The following DTD1 variants were observed in gnomAD, a reference collection of about 807,000 sequenced individuals.
The protein encoded by DTD1 is D-tyrosyl-tRNA deacylase 1 homolog.
A neutral mutation model predicts 25.6 loss-of-function variants in DTD1; 13 were observed. That is an observed-to-expected ratio of 0.51 (90% CI 0.33 to 0.81). The LOEUF (loss-of-function observed/expected upper bound fraction) is 0.81, where lower values mean the gene tolerates loss of function less well. Among genes scored for constraint, DTD1 ranks in the 30% least tolerant of loss-of-function variants. The pLI, the probability that DTD1 is intolerant of heterozygous loss-of-function variation, is 0.02. For missense variants in DTD1, 193 were observed against 266.4 expected (o/e 0.72, Z 1.92); for synonymous variants, 110 against 103.6 (o/e 1.06, Z -0.37).
At chr20:18,724,096 G>A (rs1402188785) in intron 4 of DTD1, among the ~76,000 whole-genome samples, 2 of 152,146 alleles carry the variant, frequency 1.3e-5, no homozygotes, top group East Asian at 3.8e-4. Context: ...GAAGCCCCTG[G>A]CAAACTTCCT....
At chr20:18,682,923 A>G (rs986277219) in intron 4 of DTD1, among the ~76,000 whole-genome samples, 4 of 152,228 alleles carry the variant, frequency 2.6e-5, no homozygotes, top group Non-Finnish European at 4.4e-5. Context: ...AGCCATGGCT[A>G]CTGCCCATGA....
chr20:18,645,925 C>A (rs750524676), intron 4 of DTD1, among the ~76,000 whole-genome samples: 6 of 152,192 alleles, frequency 3.9e-5, no homozygotes, highest in Non-Finnish European at 7.3e-5. Flanking sequence ...AGATTCTGGG[C>A]ATAGTGTATA....
At chr20:18,652,000 C>G (rs1234425201) in intron 4 of DTD1, among the ~76,000 whole-genome samples, 3 of 152,142 alleles carry the variant, frequency 2.0e-5, no homozygotes, top group Non-Finnish European at 2.9e-5. Context: ...GTTCCTGTCC[C>G]CATTGGCAGT....
At chr20:18,641,581 CT>C (rs1426210166) in intron 4 of DTD1, among the ~76,000 whole-genome samples, 3 of 152,018 alleles carry the variant, frequency 2.0e-5, no homozygotes, top group Non-Finnish European at 4.4e-5. Context: ...TGAAGTGTAT[CT>C]CATTGTGGTT....
chr20:18,634,097 T>C (rs940074181), intron 4 of DTD1, among the ~76,000 whole-genome samples: 1 of 152,254 alleles, frequency 6.6e-6, no homozygotes, highest in African/African-American at 2.4e-5. Flanking sequence ...ACGATTCTGG[T>C]AGGAACATCC....
intron 3 of DTD1, among the ~76,000 whole-genome samples, chr20:18,599,910 A>G (rs950239932): frequency 1.3e-4 from 20 of 152,216 alleles, no homozygotes; most frequent in Non-Finnish European, 8.8e-5. Context: ...TTTGGATACT[A>G]GTCCTTTATC....
At chr20:18,741,051 C>A (rs1225235996) in intron 4 of DTD1, among the ~76,000 whole-genome samples, 1 of 152,234 alleles carries the variant, frequency 6.6e-6, no homozygotes. Context: ...CCAGATCATT[C>A]ATTCCTACTT....
chr20:18,647,535 C>G (rs1016866693), intron 4 of DTD1, among the ~76,000 whole-genome samples: 3 of 152,044 alleles, frequency 2.0e-5, no homozygotes, highest in African/African-American at 7.3e-5. Flanking sequence ...GGTCTGAAAG[C>G]TTGGGGCAAG....
chr20:18,719,986 C>T (rs2061195945), intron 4 of DTD1, among the ~76,000 whole-genome samples: 1 of 152,176 alleles, frequency 6.6e-6, no homozygotes, highest in Admixed American at 6.5e-5. Flanking sequence ...TTTAAGATTC[C>T]TTACAGAACA....
intron 3 of DTD1, among the ~76,000 whole-genome samples, chr20:18,621,980 C>T (rs1379063577): frequency 2.0e-5 from 3 of 151,794 alleles, no homozygotes; most frequent in East Asian, 3.9e-4. Flanking sequence ...AGGAGAATGG[C>T]GTGAACCCGG....
At position 18,703,729 on chromosome 20, in the gene DTD1, T is replaced by C. The variant is rs534175007; in HGVS notation, c.478-40371T>C. 8.6e-3 allele frequency among the ~76,000 whole-genome samples: 516 copies of C among 60,284 alleles called. 10 individuals are homozygous for C. Among genetic ancestry groups the C allele is most frequent in the Admixed American group, 0.072 (452 of 6,238 alleles). 39.5% of individuals were successfully genotyped at this position (60,284 alleles called of 152,430 possible). A position where few individuals can be genotyped will look rare whatever the true frequency, so the allele number is the denominator to read the frequency against. ...ATTTCTGCTTTTTCATAGTATTCAG[T>C]TTTTTTTTTTGTTTCTGTTTTCTTA... On this transcript the variant is annotated intron_variant, in intron 4 of 5. Transcript: ENST00000377452.
chr20:18,612,899 T>A (rs1490415713), intron 3 of DTD1, among the ~76,000 whole-genome samples: 2 of 152,170 alleles, frequency 1.3e-5, no homozygotes, highest in Non-Finnish European at 2.9e-5. Flanking sequence ...CCTCAAGTGA[T>A]CTGCACACTT....
intron 4 of DTD1, among the ~76,000 whole-genome samples, chr20:18,688,711 C>G (rs543169296): frequency 1.3e-5 from 2 of 152,044 alleles, no homozygotes; most frequent in South Asian, 4.2e-4. Flanking sequence ...ATTTTATCTT[C>G]TAGTGTTTGG....
chr20:18,686,673 TG>T lies in DTD1; in HGVS notation c.478-57426del, dbSNP rs1038769578. On this transcript the variant is annotated intron_variant, in intron 4 of 5. Transcript: ENST00000377452. ...GTGTGTGTGTGTGTGTGTGTGTGTG[TG>T]TGGTGTGTGTGTGCATGTGCATTTG... 5.9e-5 allele frequency among the ~76,000 whole-genome samples: 9 copies of T among 151,896 alleles called. No individual in the cohort carries two copies. In the East Asian group the frequency reaches 1.7e-3, roughly 29 times the overall value.
At position 18,710,864 on chromosome 20, in the gene DTD1, T is replaced by C. The variant is rs531932091; in HGVS notation, c.478-33236T>C. On this transcript the variant is annotated intron_variant, in intron 4 of 5. Transcript: ENST00000377452. ...GGGGCTCTGTGAGTGAGTTGAATCA[T>C]GGGCCCGTTTTCCCTGTGTTCTCTC... Among the ~76,000 whole-genome samples, 11 of 152,292 alleles carry C rather than the reference T, an allele frequency of 7.2e-5. No homozygotes were observed. The South Asian group carries it at 1.7e-3, about 23-fold the overall frequency.
At chr20:18,721,086 G>A (rs1221588168) in intron 4 of DTD1, among the ~76,000 whole-genome samples, 3 of 152,044 alleles carry the variant, frequency 2.0e-5, no homozygotes, top group Non-Finnish European at 4.4e-5. Context: ...TCCTTTTCTT[G>A]TCTTACTGCA....
chr20:18,727,781 G>A (rs1222252125), intron 4 of DTD1, among the ~76,000 whole-genome samples: 4 of 152,170 alleles, frequency 2.6e-5, no homozygotes, highest in African/African-American at 9.7e-5. Flanking sequence ...TTCTTTCACA[G>A]AGCAGAGCAT....
intron 4 of DTD1, among the ~76,000 whole-genome samples, chr20:18,640,629 AT>A (rs61085364): frequency 0.084 from 11,779 of 140,256 alleles, 480 homozygotes; most frequent in African/African-American, 0.1. Flanking sequence ...TATCTGCAGA[AT>A]TTTTTTTTTT....
At chr20:18,649,452 C>T (rs1263811001) in intron 4 of DTD1, among the ~76,000 whole-genome samples, 3 of 149,264 alleles carry the variant, frequency 2.0e-5, no homozygotes, top group Admixed American at 1.3e-4. Context: ...CATTCTCCTG[C>T]CTCAGCCTCC....
Sources: gnomAD v4.1 joint callset for allele counts (sites outside exome capture counted in the v4.1 genomes callset) on GRCh38, gnomAD v4.1.1 for gene constraint, MANE v1.5 for transcripts, NCBI Gene and HGNC (gene_info 2026-07-23, HGNC 2026-07-21) for gene names.